PCLO: variants seen among roughly 807,000 people sequenced by gnomAD.
PCLO encodes piccolo presynaptic cytomatrix protein.
Under a neutral mutation model 427.5 loss-of-function variants are expected in PCLO, and 82 were observed. The ratio of observed to expected loss-of-function variants is 0.19; its 90% CI spans 0.16 to 0.23. The LOEUF (loss-of-function observed/expected upper bound fraction) is 0.23. PCLO is among the 10% of genes least tolerant of loss of function. The probability of loss-of-function intolerance (pLI) is 1.00; values close to 1 mark genes in which losing one functional copy is unlikely to be tolerated. For synonymous variants in PCLO, 2,357 were observed against 2,155.4 expected (o/e 1.09, Z -2.59); for missense variants, 6,239 against 6,115.9 (o/e 1.02, Z -0.67).
In PCLO at chr7:83,038,001, A is replaced by ATATATATATATATATATTTATATATT. The variant is rs1562932730; in HGVS notation, c.3301-71515_3301-71514insAATATATAAATATATATATATATATA. 1.2e-3 allele frequency among the ~76,000 whole-genome samples: 33 copies of ATATATATATATATATATTTATATATT among 27,150 alleles called. 3 individuals are homozygous for ATATATATATATATATATTTATATATT. The highest frequency in any genetic ancestry group is 3.8e-3 in the Admixed American group (6 of 1,592). 17.8% of individuals were successfully genotyped at this position (27,150 alleles called of 152,430 possible). ...TGTAAGGAGGAGCTTATATATATATATATATATATATATATATATATATAT... is the reference window on the plus strand; with the variant it reads ...TGTAAGGAGGAGCTTATATATATATATATATATATATATATATTTATATATTTATATATATATATATATATATATAT... On this transcript the variant is annotated intron_variant, in intron 3 of 24. Transcript: ENST00000333891.
At chr7:82,912,854 T>C (rs1794355977) in intron 7 of PCLO, among the ~76,000 whole-genome samples, 1 of 152,066 alleles carries the variant, frequency 6.6e-6, no homozygotes. Flanking sequence ...TGATGATAAA[T>C]CAAACTCTCT....
At chr7:82,854,516 A>C (rs1167391615) in intron 10 of PCLO, among the ~76,000 whole-genome samples, 4 of 152,162 alleles carry the variant, frequency 2.6e-5, no homozygotes, top group African/African-American at 9.6e-5. Flanking sequence ...ATATTCTTTC[A>C]AATTTTAGTA....
chr7:82,845,150 TC>T, intron 13 of PCLO, 120 bp downstream of exon 13: 1 of 703,536 alleles, frequency 1.4e-6, no homozygotes, highest in Non-Finnish European at 2.4e-6. Flanking sequence ...TTTTGATAGA[TC>T]ATCTGGAAAT....
Position 83,147,958 on chromosome 7 carries a change from C to T in PCLO, c.1893+6790G>A, listed in dbSNP as rs560899576. Among the ~76,000 whole-genome samples, 11 of 152,060 alleles carry T rather than the reference C, an allele frequency of 7.2e-5. No individual in the cohort carries two copies. The East Asian group carries it at 2.1e-3, about 29-fold the overall frequency. On this transcript the variant is annotated intron_variant, in intron 2 of 24. Coordinates refer to ENST00000333891, the MANE Select transcript of PCLO (RefSeq NM_033026.6). Reference sequence around the variant, plus strand: ...AAATTGAAAATCTAATGTATTTTTACCTTGTTATCCAAGGTGAATTTTTTC... The same window carrying T: ...AAATTGAAAATCTAATGTATTTTTATCTTGTTATCCAAGGTGAATTTTTTC...
intron 10 of PCLO, among the ~76,000 whole-genome samples, chr7:82,852,787 C>T (rs777533174): frequency 2.2e-4 from 33 of 152,112 alleles, no homozygotes; most frequent in Admixed American, 2.6e-4. Flanking sequence ...AGTATATTCA[C>T]TCTACTGTGC....
intron 2 of PCLO, among the ~76,000 whole-genome samples, chr7:83,136,097 C>CAA (rs529201437): frequency 6.6e-5 from 9 of 135,760 alleles, no homozygotes; most frequent in African/African-American, 2.4e-4. Flanking sequence ...GACTCTGTCT[C>CAA]AAAAAAAAAA....
At chr7:83,085,702 C>A (rs1233153306) in intron 3 of PCLO, among the ~76,000 whole-genome samples, 2 of 151,970 alleles carry the variant, frequency 1.3e-5, no homozygotes, top group African/African-American at 2.4e-5. Context: ...TAAAAGGGAG[C>A]CAATCTTCTC....
chr7:82,946,345 G>A (rs1795201684), intron 6 of PCLO, among the ~76,000 whole-genome samples: 2 of 152,084 alleles, frequency 1.3e-5, no homozygotes, highest in South Asian at 2.1e-4. Flanking sequence ...TAGGACTATA[G>A]TGGCAAGAGA....
intron 3 of PCLO, among the ~76,000 whole-genome samples, chr7:83,045,432 C>G (rs1167269185): frequency 6.6e-6 from 1 of 152,298 alleles, no homozygotes; most frequent in East Asian, 1.9e-4. Context: ...AAAATGCCTT[C>G]TGCTCCAAGA....
chr7:82,802,562 T>G (rs1305062274), intron 21 of PCLO, among the ~76,000 whole-genome samples: 4 of 152,158 alleles, frequency 2.6e-5, no homozygotes, highest in Non-Finnish European at 4.4e-5. Flanking sequence ...TGAAGAAGTT[T>G]GGAATTTGCC....
At chr7:83,050,747 T>C (rs1467382445) in intron 3 of PCLO, among the ~76,000 whole-genome samples, 2 of 141,492 alleles carry the variant, frequency 1.4e-5, no homozygotes, top group African/African-American at 5.3e-5. Context: ...TACTAAAAAT[T>C]AAAAAAAAAA....
In PCLO at chr7:82,954,906, TC is replaced by T; in HGVS notation, c.6046del (p.Glu2016SerfsTer2). 1 of 1,613,558 alleles carries T rather than the reference TC, an allele frequency of 6.2e-7. No homozygotes were observed. The highest frequency in any genetic ancestry group is 8.5e-7 in the Non-Finnish European group (1 of 1,179,718). ...CACAACAGAATGTAAGCTTTCTAACTCATAAAACTCTTTCTGGAGGTCTGTA... is the reference window on the plus strand; with the variant it reads ...CACAACAGAATGTAAGCTTTCTAACTATAAAACTCTTTCTGGAGGTCTGTA... The part of the protein sequence containing the change: ...KITDLQKEFY[E>X]LESLHSVVPQ... On this transcript the variant is annotated frameshift_variant, in exon 5 of 25. Transcript: ENST00000333891. LOFTEE classifies it high-confidence loss of function.
intron 3 of PCLO, among the ~76,000 whole-genome samples, chr7:83,010,411 G>A (rs574442328): frequency 2.0e-5 from 3 of 151,506 alleles, no homozygotes; most frequent in Admixed American, 6.6e-5. Flanking sequence ...GAATAGCACC[G>A]ATATCCAATC....
At chr7:82,838,955 C>T (rs562463935) in intron 14 of PCLO, among the ~76,000 whole-genome samples, 30 of 151,908 alleles carry the variant, frequency 2.0e-4, no homozygotes, top group African/African-American at 7.2e-4. Context: ...ATTTTAGAAG[C>T]TGAAAAAAGA....
intron 6 of PCLO, among the ~76,000 whole-genome samples, chr7:82,925,713 CT>C (rs34017885): frequency 0.14 from 10,777 of 79,022 alleles, 206 homozygotes; most frequent in Middle Eastern, 0.19. Flanking sequence ...ATTTTTGTTG[CT>C]TTTTTTTTTT....
chr7:82,863,795 G>C (rs1793024596), intron 10 of PCLO, among the ~76,000 whole-genome samples: 1 of 151,972 alleles, frequency 6.6e-6, no homozygotes, highest in Admixed American at 6.6e-5. Flanking sequence ...ATGAATTATA[G>C]AGGGTTTTCA....
chr7:82,904,706 T>G (rs543447230), intron 8 of PCLO, among the ~76,000 whole-genome samples: 1 of 152,140 alleles, frequency 6.6e-6, no homozygotes, highest in Non-Finnish European at 1.5e-5. Flanking sequence ...ATCACACAGT[T>G]TAGAAGAGTC....
intron 3 of PCLO, among the ~76,000 whole-genome samples, chr7:82,990,165 G>A (rs900184929): frequency 5.9e-5 from 9 of 152,110 alleles, no homozygotes; most frequent in African/African-American, 2.2e-4. Context: ...AAGACCCAGA[G>A]AGTCAATGAA....
At chr7:82,767,867 A>C (rs1790563934) in intron 22 of PCLO, among the ~76,000 whole-genome samples, 1 of 152,074 alleles carries the variant, frequency 6.6e-6, no homozygotes, top group African/African-American at 2.4e-5. Context: ...AAAAAGAAAT[A>C]AGTTCTCTGA....
Sources: gnomAD v4.1 joint callset for allele counts (sites outside exome capture counted in the v4.1 genomes callset) on GRCh38, gnomAD v4.1.1 for gene constraint, MANE v1.5 for transcripts, NCBI Gene and HGNC (gene_info 2026-07-23, HGNC 2026-07-21) for gene names.